SH3TC1: variants seen among roughly 807,000 people sequenced by gnomAD.
The protein encoded by SH3TC1 is SH3 domain and tetratricopeptide repeat-containing protein 1.
Under a neutral mutation model 117.3 loss-of-function variants are expected in SH3TC1, and 135 were observed. That is an observed-to-expected ratio of 1.15 (90% CI 1.00 to 1.33). SH3TC1 has a LOEUF of 1.33. SH3TC1 is among the 40% of genes most tolerant of loss of function. The pLI is 0.00. For synonymous variants in SH3TC1, 898 were observed against 816.9 expected (o/e 1.10, Z -1.69); for missense variants, 2,092 against 1,794.3 (o/e 1.17, Z -3.00).
intron 17 of SH3TC1, among the ~76,000 whole-genome samples, chr4:8,238,086 TC>T (rs1169472253): frequency 1.3e-5 from 2 of 152,064 alleles, no homozygotes; most frequent in African/African-American, 2.4e-5. Context: ...TGTTGCAACA[TC>T]CAACCCAAAT....
At chr4:8,199,131 G>A (rs1717669512), upstream of SH3TC1, among the ~76,000 whole-genome samples, 2 of 152,226 alleles carry the variant, frequency 1.3e-5, no homozygotes, top group Admixed American at 6.5e-5. Context: ...ACCTCGTCCA[G>A]GAAAGAGCTA....
chr4:8,219,569 C>T, intron 9 of SH3TC1, 39 bp downstream of exon 9: 1 of 1,461,898 alleles, frequency 6.8e-7, no homozygotes, highest in Non-Finnish European at 9.1e-7. Context: ...TGAACCCACC[C>T]CCATCTCACC....
At chr4:8,226,674 CAT>C (rs780527548) in intron 11 of SH3TC1, among the ~76,000 whole-genome samples, 12 of 152,356 alleles carry the variant, frequency 7.9e-5, no homozygotes, top group African/African-American at 1.7e-4. Context: ...TGAGCTGACA[CAT>C]AGTCTCCTAA....
At chr4:8,189,528 G>T (rs900921073) in intron 1 of SH3TC1, among the ~76,000 whole-genome samples, 6 of 152,234 alleles carry the variant, frequency 3.9e-5, no homozygotes, top group African/African-American at 1.4e-4. Context: ...GACAGCACAG[G>T]GTGGCCAGGG....
intron 1 of SH3TC1, among the ~76,000 whole-genome samples, chr4:8,188,721 C>T (rs567388493): frequency 3.9e-5 from 6 of 152,232 alleles, no homozygotes; most frequent in African/African-American, 1.4e-4. Flanking sequence ...TGGCTGGACA[C>T]CAAAGTGGTG....
At chr4:8,191,063 C>T (rs760576005) in intron 1 of SH3TC1, among the ~76,000 whole-genome samples, 5 of 152,128 alleles carry the variant, frequency 3.3e-5, no homozygotes, top group Non-Finnish European at 5.9e-5. Context: ...AGTGAGGGCT[C>T]TTTGGTCAGC....
rs1383100512 is a variant in SH3TC1, at chr4:8,183,217, T to C, written c.-57+1007T>C. On this transcript the variant is annotated intron_variant, in intron 1 of 16. Transcript: ENST00000508641. The surrounding 1 kb of genome is among the most constrained non-coding windows in gnomAD (Gnocchi z 5.4). ...GCAGCCCCAGGCGAGTTCTGTTCACTACGAAGGAGCCCGTCCTCATCCTCC... is the reference window on the plus strand; with the variant it reads ...GCAGCCCCAGGCGAGTTCTGTTCACCACGAAGGAGCCCGTCCTCATCCTCC... 6.6e-6 allele frequency among the ~76,000 whole-genome samples: 1 copy of C among 152,188 alleles called. No individual in the cohort carries two copies. Among genetic ancestry groups the C allele is most frequent in the Non-Finnish European group, 1.5e-5 (1 of 68,016 alleles).
chr4:8,219,130 A>G (rs1347708630), intron 8 of SH3TC1, among the ~76,000 whole-genome samples: 1 of 152,130 alleles, frequency 6.6e-6, no homozygotes, highest in Non-Finnish European at 1.5e-5. Context: ...CATTTTTCTC[A>G]TCTTCAACAG....
At chr4:8,238,213 G>A (rs576521627) in intron 17 of SH3TC1, among the ~76,000 whole-genome samples, 14 of 152,096 alleles carry the variant, frequency 9.2e-5, no homozygotes, top group African/African-American at 1.4e-4. Context: ...GGGCGGGGCC[G>A]GTGTCTTACC....
rs765092076 is a variant in SH3TC1, at chr4:8,205,731, G to T, written c.172+365G>T. On this transcript the variant is annotated intron_variant, in intron 2 of 17. Transcript: ENST00000245105. The surrounding 1 kb of genome is among the most constrained non-coding windows in gnomAD (Gnocchi z 5.4). ...AGAGTCCTCAGGATGAGGCATCCTC[G>T]TTCTCCAGGAGGCACCCAAGGTGCA... 2.9e-6 allele frequency: 2 copies of T among 688,060 alleles called. No homozygotes were observed. The highest frequency in any genetic ancestry group is 5.4e-6 in the Non-Finnish European group (2 of 372,672). The allele number at this position is 688,060 out of a possible 1,614,324, so 42.6% of individuals were successfully genotyped here. A position where few individuals can be genotyped will look rare whatever the true frequency, so the allele number is the denominator to read the frequency against.
chr4:8,207,921 A>G (rs553343735), intron 2 of SH3TC1, among the ~76,000 whole-genome samples: 4 of 152,298 alleles, frequency 2.6e-5, no homozygotes, highest in African/African-American at 7.2e-5. Context: ...TAGGGATGGC[A>G]CCTTGTTTGA....
At chr4:8,195,818 G>T (rs139006268), upstream of SH3TC1, among the ~76,000 whole-genome samples, 1,246 of 152,080 alleles carry the variant, frequency 8.2e-3, 16 homozygotes, top group African/African-American at 0.028. Flanking sequence ...GTCACAGATG[G>T]GAAACTGAGG....
rs762288774 is a variant in SH3TC1 at position 8,227,886 on chromosome 4, A to G, written c.2192A>G (p.Lys731Arg). ...CCCCACCTGGTGCTGAGCTGTGTCA[A>G]GGTGGCCTCATTGCGGACACGGGGC... The part of the protein sequence containing the change: ...CLPHLVLSCV[K>R]VASLRTRGSL... Residue 731 changes from lysine to arginine, a missense_variant, in exon 12 of 18, where the codon AAG (lysine) becomes AGG (arginine). By Grantham distance (26) the Lys-to-Arg change is conservative. Coordinates refer to ENST00000245105, the MANE Select transcript of SH3TC1 (RefSeq NM_018986.5). The G allele has an allele frequency of 5.6e-6, 9 of 1,612,830 alleles. 1 individual carries two copies. The South Asian group carries it at 9.9e-5, about 18-fold the overall frequency.
chr4:8,236,818 T>G (rs1381779471), intron 16 of SH3TC1: 3 of 184,950 alleles, frequency 1.6e-5, no homozygotes, highest in Non-Finnish European at 3.3e-5. Context: ...AAGTCCCAGT[T>G]CCCCTTCCAG....
Position 8,216,192 on chromosome 4 carries a change from C to A in SH3TC1, c.563C>A (p.Ala188Asp), listed in dbSNP as rs753621587. The stretch of plus-strand genomic sequence containing the variant: ...TTGCCCAGTGAGGAGGAGGAGACGG[C>A]CATCCAAGTCCATGTGGATGAGAAC... ...LLLPSEEEET[A>D]IQVHVDENAL... Residue 188 changes from alanine (A) to aspartate (D), a missense_variant, in exon 6 of 18, where the codon GCC becomes GAC. Ala to Asp is a moderately radical substitution (Grantham distance 126, BLOSUM62 -2). Transcript: ENST00000245105. The A allele has an allele frequency of 1.2e-6, 2 of 1,613,828 alleles. No homozygotes were observed. Among genetic ancestry groups the A allele is most frequent in the South Asian group, 1.1e-5 (1 of 91,052 alleles).
Position 8,228,522 on chromosome 4 carries a change from G to A in SH3TC1, c.2828G>A (p.Arg943Gln), listed in dbSNP as rs201130373. 175 of 1,611,352 alleles carry A rather than the reference G, an allele frequency of 1.1e-4. No individual in the cohort carries two copies. The East Asian group carries it at 3.3e-3, about 31-fold the overall frequency. Reference protein sequence around the residue: ...FSRLPLGECGRDFTHVLLQLG... With the variant: ...FSRLPLGECGQDFTHVLLQLG... ...AGGCTGCCCCTTGGGGAGTGTGGCCGGGACTTCACCCACGTGCTCCTGCAG... is the reference window on the plus strand; with the variant it reads ...AGGCTGCCCCTTGGGGAGTGTGGCCAGGACTTCACCCACGTGCTCCTGCAG... The change falls in exon 12 of 18, where the codon CGG becomes CAG. Residue 943 changes from arginine to glutamine, a missense_variant. Physicochemically the swap from Arg to Gln is conservative, Grantham distance 43 (BLOSUM62 1). Transcript: ENST00000245105.
chr4:8,206,316 G>A lies in SH3TC1; in HGVS notation c.172+950G>A, dbSNP rs1265620904. 6.6e-6 allele frequency among the ~76,000 whole-genome samples: 1 copy of A among 152,030 alleles called. No homozygotes were observed. The highest frequency in any genetic ancestry group is 2.4e-5 in the African/African-American group (1 of 41,396). On this transcript the variant is annotated intron_variant, in intron 2 of 17. Coordinates refer to ENST00000245105, the MANE Select transcript of SH3TC1 (RefSeq NM_018986.5). The surrounding 1 kb of genome is among the most constrained non-coding windows in gnomAD (Gnocchi z 5.5). ...AGGAAGGGCGGCTCAGAGGTTTGGG[G>A]TGGGGCCTGGGCCTGGGGAGCCCAC...
intron 5 of SH3TC1, 125 bp from the exon 6 acceptor site, chr4:8,215,986 G>T: frequency 8.4e-7 from 1 of 1,191,306 alleles, no homozygotes; most frequent in South Asian, 1.6e-5. Context: ...AGGGCAGGTG[G>T]GTGTCTTCCA....
chr4:8,218,210 C>T (rs1258109724), intron 7 of SH3TC1, 61 bp from the exon 8 acceptor site: 1 of 1,382,030 alleles, frequency 7.2e-7, no homozygotes, highest in Non-Finnish European at 1.0e-6. Flanking sequence ...AGTCTCTGCA[C>T]AGGATGTATC....
Sources: allele counts gnomAD v4.1 joint callset (sites outside exome capture counted in the v4.1 genomes callset), GRCh38; gene constraint gnomAD v4.1.1; non-coding constraint Gnocchi (gnomAD v3.1); transcripts MANE v1.5; gene names NCBI Gene and HGNC (gene_info 2026-07-23, HGNC 2026-07-21).